The following RBFOX1 variants were observed in gnomAD, a reference collection of about 807,000 sequenced individuals.
RBFOX1 encodes RNA binding protein fox-1 homolog 1.
RBFOX1 carries 8 observed loss-of-function variants against 57.7 expected under a neutral mutation model. The observed-to-expected ratio is 0.14, with a 90% CI of 0.08 to 0.25. The LOEUF (loss-of-function observed/expected upper bound fraction) is 0.25, where lower values mean the gene tolerates loss of function less well. Among genes scored for constraint, RBFOX1 ranks in the 10% least tolerant of loss-of-function variants. The pLI is 1.00. For missense variants in RBFOX1, 611 were observed against 548.5 expected, an observed-to-expected ratio of 1.11 and a Z score of -1.14; for synonymous variants, 326 against 222.4, an observed-to-expected ratio of 1.47 and a Z score of -4.15.
intron 4 of RBFOX1, among the ~76,000 whole-genome samples, chr16:7,334,472 C>G (rs750734092): frequency 1.3e-5 from 2 of 152,100 alleles, no homozygotes; most frequent in Non-Finnish European, 2.9e-5. Flanking sequence ...TTGTCAGACC[C>G]TCTGCCGACC....
At chr16:7,575,934 C>T (rs1456641898) in intron 5 of RBFOX1, among the ~76,000 whole-genome samples, 1 of 151,806 alleles carries the variant, frequency 6.6e-6, no homozygotes, top group African/African-American at 2.4e-5. Context: ...CATTAGTGTC[C>T]TTTTTGTTTT....
At chr16:6,950,531 G>A (rs943245851) in intron 3 of RBFOX1, among the ~76,000 whole-genome samples, 4 of 152,136 alleles carry the variant, frequency 2.6e-5, no homozygotes, top group African/African-American at 7.2e-5. Context: ...ATTGCATTTG[G>A]CCATTATTTC....
intron 2 of RBFOX1, among the ~76,000 whole-genome samples, chr16:6,443,334 C>G (rs758412186): frequency 6.6e-6 from 1 of 152,182 alleles, no homozygotes; most frequent in Admixed American, 6.5e-5. Flanking sequence ...AAAGCAAACA[C>G]AAAGTAAACT....
intron 2 of RBFOX1, among the ~76,000 whole-genome samples, chr16:6,607,019 G>T (rs945059860): frequency 6.6e-6 from 1 of 152,156 alleles, no homozygotes; most frequent in Non-Finnish European, 1.5e-5. Flanking sequence ...GTCAGCATCT[G>T]TTGTTTCTTG....
intron 1 of RBFOX1, among the ~76,000 whole-genome samples, chr16:6,303,743 A>G (rs1168513687): frequency 6.9e-6 from 1 of 144,984 alleles, no homozygotes; most frequent in East Asian, 2.3e-4. Context: ...TGGGAGGCCG[A>G]GGAGGGTGGA....
chr16:5,372,706 A>G (rs2065889396), intron 1 of RBFOX1, among the ~76,000 whole-genome samples: 1 of 152,182 alleles, frequency 6.6e-6, no homozygotes. Context: ...AGGCTGCTGT[A>G]TATCTATGTG....
At chr16:5,626,851 CA>C in intron 3 of RBFOX1, among the ~76,000 whole-genome samples, 1 of 148,500 alleles carries the variant, frequency 6.7e-6, no homozygotes, top group Non-Finnish European at 1.5e-5. Flanking sequence ...TTATCCAAAT[CA>C]TTTTTTTTTC....
At chr16:5,980,039 G>C (rs1327390934) in intron 4 of RBFOX1, among the ~76,000 whole-genome samples, 1 of 152,190 alleles carries the variant, frequency 6.6e-6, no homozygotes, top group African/African-American at 2.4e-5. Context: ...AAGGGTTCCT[G>C]AAAAGTCTTC....
chr16:5,731,061 A>G (rs887798084), intron 3 of RBFOX1, among the ~76,000 whole-genome samples: 1 of 148,662 alleles, frequency 6.7e-6, no homozygotes, highest in Non-Finnish European at 1.5e-5. Flanking sequence ...CATTGTCACC[A>G]ATGTAAGCAC....
In RBFOX1 at chr16:6,646,181, G is replaced by A. The variant is rs149952630; in HGVS notation, c.-63-8422G>A. ...ACTTGACGAGTCTGGTTCAGAAAAG[G>A]TCAGGTCGGAACCCACCCAGAGACA... On this transcript the variant is annotated intron_variant, in intron 2 of 15. Coordinates refer to ENST00000550418, the MANE Select transcript of RBFOX1 (RefSeq NM_018723.4). 3.3e-5 allele frequency among the ~76,000 whole-genome samples: 5 copies of A among 152,056 alleles called. 1 individual carries two copies. Among genetic ancestry groups the A allele is most frequent in the Admixed American group, 2.6e-4 (4 of 15,272 alleles).
chr16:7,400,086 TC>T (rs2098215676), intron 4 of RBFOX1, among the ~76,000 whole-genome samples: 1 of 152,212 alleles, frequency 6.6e-6, no homozygotes, highest in Non-Finnish European at 1.5e-5. Flanking sequence ...AGACCATTTT[TC>T]TTAGTCACCC....
chr16:6,224,845 C>T (rs2097403901), intron 1 of RBFOX1, among the ~76,000 whole-genome samples: 2 of 151,890 alleles, frequency 1.3e-5, no homozygotes, highest in African/African-American at 2.4e-5. Flanking sequence ...ACATGGGAAA[C>T]CCCATCTCTA....
chr16:6,022,604 C>T (rs1029716552), intron 1 of RBFOX1, among the ~76,000 whole-genome samples: 3 of 152,044 alleles, frequency 2.0e-5, no homozygotes, highest in African/African-American at 4.8e-5. Flanking sequence ...ATCACCTGAG[C>T]CTGAGAAGGT....
At chr16:6,272,991 G>T (rs1275569497) in intron 1 of RBFOX1, among the ~76,000 whole-genome samples, 1 of 152,098 alleles carries the variant, frequency 6.6e-6, no homozygotes, top group Non-Finnish European at 1.5e-5. Context: ...CCGTTACATT[G>T]GCTCATGCCT....
chr16:6,278,900 AT>A (rs1021566875), intron 1 of RBFOX1, among the ~76,000 whole-genome samples: 2 of 152,042 alleles, frequency 1.3e-5, no homozygotes, highest in Non-Finnish European at 1.5e-5. Flanking sequence ...TTTCATTTAG[AT>A]TTTTTTTAAT....
intron 4 of RBFOX1, among the ~76,000 whole-genome samples, chr16:7,350,281 G>T (rs1450025012): frequency 6.6e-6 from 1 of 152,180 alleles, no homozygotes; most frequent in African/African-American, 2.4e-5. Context: ...TGGGAAAGAG[G>T]TCTAAGGGGA....
At chr16:6,446,023 G>A (rs1219366174) in intron 2 of RBFOX1, among the ~76,000 whole-genome samples, 1 of 151,920 alleles carries the variant, frequency 6.6e-6, no homozygotes. Flanking sequence ...GGAGCGCACT[G>A]GCGTGATTAT....
chr16:6,651,921 G>A (rs1346402061), intron 2 of RBFOX1, among the ~76,000 whole-genome samples: 3 of 152,124 alleles, frequency 2.0e-5, no homozygotes, highest in Admixed American at 6.5e-5. Flanking sequence ...GCTACCACAT[G>A]GATGAACCTT....
At chr16:6,961,460 C>G (rs1260502543) in intron 3 of RBFOX1, among the ~76,000 whole-genome samples, 1 of 152,092 alleles carries the variant, frequency 6.6e-6, no homozygotes, top group Admixed American at 6.5e-5. Flanking sequence ...AAAGGGGTCC[C>G]GATCAAGATC....
Sources: allele counts gnomAD v4.1 joint callset (sites outside exome capture counted in the v4.1 genomes callset), GRCh38; gene constraint gnomAD v4.1.1; transcripts MANE v1.5; gene names NCBI Gene and HGNC (gene_info 2026-07-23, HGNC 2026-07-21).